The following IFIH1 variants were observed in gnomAD, a reference collection of about 807,000 sequenced individuals.
The protein encoded by IFIH1 is interferon induced with helicase C domain 1.
In IFIH1, 125 loss-of-function variants were observed where a neutral mutation model predicts 107.4. The observed-to-expected ratio is 1.16, with a 90% CI of 1.01 to 1.35. The LOEUF (loss-of-function observed/expected upper bound fraction) is 1.35, where lower values mean the gene tolerates loss of function less well. Among genes scored for constraint, IFIH1 ranks in the 40% most tolerant of loss-of-function variants. IFIH1 has a pLI of 0.00. For synonymous variants in IFIH1, 458 were observed against 413.2 expected, an observed-to-expected ratio of 1.11 and a Z score of -1.31; for missense variants, 1,333 against 1,213.7, an observed-to-expected ratio of 1.10 and a Z score of -1.46.
At position 162,310,945 on chromosome 2, in the gene IFIH1, G is replaced by T; in HGVS notation, c.454-12C>A. 6.2e-7 allele frequency: 1 copy of T among 1,605,568 alleles called. No homozygotes were observed. Among genetic ancestry groups the T allele is most frequent in the Non-Finnish European group, 8.5e-7 (1 of 1,174,524 alleles). On this transcript the variant is annotated splice_polypyrimidine_tract_variant and intron_variant, in intron 1 of 15. Coordinates refer to ENST00000649979, the MANE Select transcript of IFIH1 (RefSeq NM_022168.4). ...TCTGCAGCAGCAATCTGTTGTAAGAGAAAATTAGAATTAAGTAAGATCAAA... is the reference window on the plus strand; with the variant it reads ...TCTGCAGCAGCAATCTGTTGTAAGATAAAATTAGAATTAAGTAAGATCAAA...
At chr2:162,284,665 A>G (rs560207572) in intron 5 of IFIH1, among the ~76,000 whole-genome samples, 1 of 152,090 alleles carries the variant, frequency 6.6e-6, no homozygotes, top group African/African-American at 2.4e-5. Flanking sequence ...AAATGAGAAT[A>G]ATAAAGACTA....
At chr2:162,291,989 A>G (rs979502227) in intron 4 of IFIH1, among the ~76,000 whole-genome samples, 2 of 151,896 alleles carry the variant, frequency 1.3e-5, no homozygotes, top group African/African-American at 4.8e-5. Context: ...TCAAAAGTAG[A>G]TTGCGTTCAG....
At chr2:162,274,580 G>A (rs1417319256) in intron 11 of IFIH1, among the ~76,000 whole-genome samples, 1 of 151,862 alleles carries the variant, frequency 6.6e-6, no homozygotes, top group Non-Finnish European at 1.5e-5. Flanking sequence ...AATTCAAAGG[G>A]ACAATATAAA....
intron 14 of IFIH1, 146 bp downstream of exon 14, chr2:162,267,941 T>A: frequency 1.7e-6 from 1 of 585,422 alleles, no homozygotes; most frequent in Non-Finnish European, 2.9e-6. Context: ...ACATAGACAT[T>A]TAAAATAGGA....
Position 162,273,962 on chromosome 2 carries a change from T to G in IFIH1, c.2305-18A>C. On this transcript the variant is annotated intron_variant, in intron 11 of 15. Transcript: ENST00000649979. ...TGTTCATTCTGTAGAAACATTTTAA[T>G]AAATTAAATTTTGTGATGCTAAACA... 1 of 1,536,698 alleles carries G rather than the reference T, an allele frequency of 6.5e-7. No individual in the cohort carries two copies. The highest frequency in any genetic ancestry group is 1.8e-5 in the Admixed American group (1 of 54,900).
intron 5 of IFIH1, among the ~76,000 whole-genome samples, chr2:162,284,792 CTG>C (rs1002441440): frequency 9.9e-5 from 15 of 151,692 alleles, no homozygotes; most frequent in Middle Eastern, 3.4e-3. Flanking sequence ...TTCTTCTAGA[CTG>C]TATATTTCGT....
At chr2:162,289,674 G>A (rs1163177947) in intron 4 of IFIH1, among the ~76,000 whole-genome samples, 1 of 151,834 alleles carries the variant, frequency 6.6e-6, no homozygotes, top group Non-Finnish European at 1.5e-5. Flanking sequence ...TATCTGAACA[G>A]GTAGGAAAAT....
chr2:162,267,131 T>C lies in IFIH1; in HGVS notation c.*69A>G. ...TTCTTATGTCAGTTCTGTAGCATAA[T>C]GAATACATTAATCATAATCATATTA... On this transcript the variant is annotated 3_prime_UTR_variant, in exon 16 of 16. Transcript: ENST00000649979. 1 of 1,127,942 alleles carries C rather than the reference T, an allele frequency of 8.9e-7. No individual in the cohort carries two copies. Among genetic ancestry groups the C allele is most frequent in the African/African-American group, 1.6e-5 (1 of 63,046 alleles). 69.9% of individuals were successfully genotyped at this position (1,127,942 alleles called of 1,614,324 possible).
chr2:162,289,628 T>C (rs1283457315), intron 4 of IFIH1, among the ~76,000 whole-genome samples: 1 of 151,950 alleles, frequency 6.6e-6, no homozygotes, highest in African/African-American at 2.4e-5. Flanking sequence ...CCTGGATAAT[T>C]CTATTTGAGT....
intron 5 of IFIH1, among the ~76,000 whole-genome samples, chr2:162,287,172 A>T (rs1308450483): frequency 6.6e-6 from 1 of 151,914 alleles, no homozygotes; most frequent in Non-Finnish European, 1.5e-5. Flanking sequence ...ATGCATTTGG[A>T]ACTACATGAT....
chr2:162,277,039 A>G (rs1352946449), intron 10 of IFIH1, 93 bp from the exon 11 acceptor site: 4 of 838,768 alleles, frequency 4.8e-6, no homozygotes, highest in Non-Finnish European at 7.2e-6. Flanking sequence ...CACCAAAAAT[A>G]TACAGTTTTA....
At chr2:162,282,945 C>T (rs12464349) in intron 5 of IFIH1, among the ~76,000 whole-genome samples, 5,269 of 148,320 alleles carry the variant, frequency 0.036, 456 homozygotes, top group Admixed American at 0.21. Context: ...AAGCAACTGA[C>T]GACTCAAAAA....
intron 13 of IFIH1, among the ~76,000 whole-genome samples, chr2:162,269,340 A>G (rs901938004): frequency 2.0e-5 from 3 of 152,198 alleles, no homozygotes; most frequent in Non-Finnish European, 4.4e-5. Flanking sequence ...TCTAAAAGCC[A>G]TCTTCGACCA....
intron 11 of IFIH1, among the ~76,000 whole-genome samples, chr2:162,275,922 A>G (rs1691144021): frequency 6.6e-6 from 1 of 152,192 alleles, no homozygotes; most frequent in Non-Finnish European, 1.5e-5. Flanking sequence ...TCTCTAATAT[A>G]TCAAATTCTT....
At chr2:162,294,770 A>G (rs1274675385) in intron 3 of IFIH1, among the ~76,000 whole-genome samples, 1 of 151,786 alleles carries the variant, frequency 6.6e-6, no homozygotes, top group Admixed American at 6.6e-5. Flanking sequence ...TATAATATTT[A>G]TACTTAGATA....
intron 12 of IFIH1, among the ~76,000 whole-genome samples, chr2:162,272,909 T>G (rs966826763): frequency 2.6e-5 from 4 of 152,194 alleles, no homozygotes; most frequent in Non-Finnish European, 5.9e-5. Flanking sequence ...AAAGTGATAT[T>G]CAGGTATATT....
At chr2:162,304,089 C>CAACAA (rs1683237775) in intron 3 of IFIH1, among the ~76,000 whole-genome samples, 1 of 152,022 alleles carries the variant, frequency 6.6e-6, no homozygotes, top group Admixed American at 6.6e-5. Context: ...ACAACAACAA[C>CAACAA]AACAAAAAAA....
At chr2:162,268,881 G>T (rs557362903) in intron 13 of IFIH1, among the ~76,000 whole-genome samples, 1 of 151,778 alleles carries the variant, frequency 6.6e-6, no homozygotes. Context: ...GAGCCACTGC[G>T]CCAGCCTACC....
chr2:162,271,286 G>A (rs1304855822), intron 13 of IFIH1, among the ~76,000 whole-genome samples: 1 of 152,022 alleles, frequency 6.6e-6, no homozygotes. Context: ...CATAAAAAAG[G>A]ATGAGTTCAT....
Sources: allele counts gnomAD v4.1 joint callset (sites outside exome capture counted in the v4.1 genomes callset), GRCh38; gene constraint gnomAD v4.1.1; transcripts MANE v1.5; gene names NCBI Gene and HGNC (gene_info 2026-07-23, HGNC 2026-07-21).